CRLS1: variants seen among roughly 807,000 people sequenced by gnomAD.
CRLS1 encodes cardiolipin synthase (CMP-forming).
A neutral mutation model predicts 37.0 loss-of-function variants in CRLS1; 24 were observed. The ratio of observed to expected loss-of-function variants is 0.65; its 90% confidence interval spans 0.47 to 0.91. The LOEUF is 0.91. Among genes scored for constraint, CRLS1 ranks in the 40% least tolerant of loss-of-function variants. The pLI, the probability that CRLS1 is intolerant of heterozygous loss-of-function variation, is 0.00. For synonymous variants in CRLS1, 135 were observed against 159.7 expected (o/e 0.85, Z 1.17); for missense variants, 373 against 395.8 (o/e 0.94, Z 0.49).
chr20:6,006,566 A>AGGC lies in CRLS1; in HGVS notation c.306+23_306+25dup. 17 of 1,262,406 alleles carry AGGC rather than the reference A, an allele frequency of 1.3e-5. No homozygotes were observed. The highest frequency in any genetic ancestry group is 1.6e-5 in the Non-Finnish European group (16 of 1,006,744). The allele number at this position is 1,262,406 out of a possible 1,614,324, so 78.2% of individuals were successfully genotyped here. A position where few individuals can be genotyped will look rare whatever the true frequency, so the allele number is the denominator to read the frequency against. On this transcript the variant is annotated intron_variant, in intron 1 of 6. Transcript: ENST00000378863. ...ACCCCCAGCCTGGTACGTACCGATGAGGCGGCGGCGGGCCGGCCCTGGGCT... is the reference window on the plus strand; with the variant it reads ...ACCCCCAGCCTGGTACGTACCGATGAGGCGGCGGCGGCGGGCCGGCCCTGGGCT...
intron 2 of CRLS1, among the ~76,000 whole-genome samples, chr20:6,010,956 G>T (rs558258584): frequency 8.1e-4 from 123 of 152,012 alleles, no homozygotes; most frequent in Non-Finnish European, 1.3e-3. Flanking sequence ...GTTCAAGGCT[G>T]CAGTGAGCTA....
chr20:6,012,041 T>TC (rs1978360963), intron 2 of CRLS1, among the ~76,000 whole-genome samples: 1 of 151,984 alleles, frequency 6.6e-6, no homozygotes, highest in East Asian at 1.9e-4. Context: ...TTTTTTTTTT[T>TC]CTTGTAAGCT....
chr20:6,016,306 A>G (rs1978745773), intron 3 of CRLS1, among the ~76,000 whole-genome samples: 2 of 152,206 alleles, frequency 1.3e-5, no homozygotes, highest in African/African-American at 4.8e-5. Flanking sequence ...ATTTCAGTCT[A>G]GTCTCCCCCA....
chr20:6,027,384 T>C (rs1979799980), intron 3 of CRLS1, among the ~76,000 whole-genome samples: 1 of 144,028 alleles, frequency 6.9e-6, no homozygotes, highest in Non-Finnish European at 1.5e-5. Context: ...CATGCCTGTT[T>C]TTGTTTGTTT....
chr20:6,033,371 G>A (rs940541034), intron 5 of CRLS1, among the ~76,000 whole-genome samples: 1 of 152,042 alleles, frequency 6.6e-6, no homozygotes, highest in African/African-American at 2.4e-5. Context: ...CCTGACCTCA[G>A]GTGATCCACC....
At chr20:6,029,809 G>A (rs1269913274) in intron 3 of CRLS1, among the ~76,000 whole-genome samples, 2 of 152,202 alleles carry the variant, frequency 1.3e-5, no homozygotes, top group East Asian at 1.9e-4. Flanking sequence ...TGCTCCAAAT[G>A]CCGTGACTTG....
At chr20:6,019,484 T>C (rs1979039907) in intron 3 of CRLS1, among the ~76,000 whole-genome samples, 1 of 149,794 alleles carries the variant, frequency 6.7e-6, no homozygotes, top group African/African-American at 2.5e-5. Context: ...AGTAATGTCC[T>C]CCTTTTCCTC....
In CRLS1 at chr20:6,006,562, G is replaced by A; in HGVS notation, c.306+10G>A. On this transcript the variant is annotated intron_variant, in intron 1 of 6. Transcript: ENST00000378863. The stretch of plus-strand genomic sequence containing the variant: ...GAGCACCCCCAGCCTGGTACGTACC[G>A]ATGAGGCGGCGGCGGGCCGGCCCTG... 1 of 1,264,058 alleles carries A rather than the reference G, an allele frequency of 7.9e-7. No individual in the cohort carries two copies. The highest frequency in any genetic ancestry group is 9.9e-7 in the Non-Finnish European group (1 of 1,009,368). 78.3% of individuals were successfully genotyped at this position (1,264,058 alleles called of 1,614,324 possible). A position where few individuals can be genotyped will look rare whatever the true frequency, so the allele number is the denominator to read the frequency against.
intron 3 of CRLS1, among the ~76,000 whole-genome samples, chr20:6,027,975 C>T (rs915615391): frequency 1.3e-5 from 2 of 152,208 alleles, no homozygotes; most frequent in African/African-American, 2.4e-5. Flanking sequence ...CTGGTTAAAA[C>T]TTTGAAATCT....
At chr20:6,033,791 C>T (rs1980358319) in intron 5 of CRLS1, among the ~76,000 whole-genome samples, 1 of 152,126 alleles carries the variant, frequency 6.6e-6, no homozygotes, top group Non-Finnish European at 1.5e-5. Flanking sequence ...AATATCCTAC[C>T]ACCTCAGCCC....
At chr20:6,011,129 T>C (rs2090126334) in intron 2 of CRLS1, among the ~76,000 whole-genome samples, 3 of 152,122 alleles carry the variant, frequency 2.0e-5, no homozygotes, top group African/African-American at 4.8e-5. Flanking sequence ...GAGAAATAGA[T>C]ACATTATATT....
chr20:6,012,205 G>A (rs1978375251), intron 2 of CRLS1, among the ~76,000 whole-genome samples: 1 of 152,142 alleles, frequency 6.6e-6, no homozygotes, highest in East Asian at 1.9e-4. Flanking sequence ...TTGGCCACTG[G>A]GAGGTGGTCG....
intron 3 of CRLS1, among the ~76,000 whole-genome samples, chr20:6,024,389 A>C (rs142985956): frequency 1.3e-5 from 2 of 152,340 alleles, no homozygotes; most frequent in Non-Finnish European, 2.9e-5. Context: ...CGTCAGAGTC[A>C]TCCATGAGGG....
At chr20:6,024,558 C>T (rs1015937943) in intron 3 of CRLS1, among the ~76,000 whole-genome samples, 2 of 152,154 alleles carry the variant, frequency 1.3e-5, no homozygotes, top group African/African-American at 4.8e-5. Context: ...TGAAATTAGA[C>T]CAATTAATAA....
chr20:6,027,937 G>A (rs1324459466), intron 3 of CRLS1, among the ~76,000 whole-genome samples: 5 of 152,132 alleles, frequency 3.3e-5, no homozygotes, highest in Non-Finnish European at 5.9e-5. Flanking sequence ...CTTAGGTTTT[G>A]GCTCTTCTCA....
At chr20:6,017,335 G>A (rs1978839598) in intron 3 of CRLS1, among the ~76,000 whole-genome samples, 1 of 152,122 alleles carries the variant, frequency 6.6e-6, no homozygotes, top group African/African-American at 2.4e-5. Context: ...ATGGGATTGT[G>A]TTTAGTATTG....
At position 6,007,452 on chromosome 20, in the gene CRLS1, A is replaced by G. The variant is rs1257495019; in HGVS notation, c.306+900A>G. 4 of 1,577,986 alleles carry G rather than the reference A, an allele frequency of 2.5e-6. No individual in the cohort carries two copies. In the South Asian group the frequency reaches 4.5e-5, roughly 18 times the overall value. On this transcript the variant is annotated intron_variant, in intron 1 of 6. Coordinates refer to ENST00000378863, the MANE Select transcript of CRLS1 (RefSeq NM_019095.6). ...ATCTGAGATTAGCTCTCCTAACATT[A>G]ACTTTGAAACTTTTACGGATTTAAT...
chr20:6,006,544 C>G lies in CRLS1; in HGVS notation c.298C>G (p.Pro100Ala), dbSNP rs2090057855. ...CGGCCAGTGGGGCCCGGCGAGCACC[C>G]CCAGCCTGGTACGTACCGATGAGGC... ...PGGQWGPAST[P>A]SLYENPWTIP... Residue 100 changes from proline to alanine, a missense_variant, in exon 1 of 7, where the codon CCC becomes GCC. By Grantham distance (27) the Pro-to-Ala change is conservative. Transcript: ENST00000378863. 1 of 1,311,826 alleles carries G rather than the reference C, an allele frequency of 7.6e-7. No individual in the cohort carries two copies. Among genetic ancestry groups the G allele is most frequent in the South Asian group, 2.3e-5 (1 of 44,052 alleles). The allele number at this position is 1,311,826 out of a possible 1,614,324, so 81.3% of individuals were successfully genotyped here.
chr20:6,027,321 G>T (rs992113564), intron 3 of CRLS1, among the ~76,000 whole-genome samples: 5 of 152,018 alleles, frequency 3.3e-5, no homozygotes, highest in African/African-American at 1.2e-4. Flanking sequence ...CTGACCTCAG[G>T]TGATCCACCT....
Sources: allele counts gnomAD v4.1 joint callset (sites outside exome capture counted in the v4.1 genomes callset), GRCh38; gene constraint gnomAD v4.1.1; transcripts MANE v1.5; gene names NCBI Gene and HGNC (gene_info 2026-07-23, HGNC 2026-07-21).